The following ORC3 variants were observed in gnomAD, a reference collection of about 807,000 sequenced individuals.
ORC3 encodes the protein origin recognition complex subunit 3, also known as homolog of latheo, Drosophila.
A neutral mutation model predicts 100.7 loss-of-function variants in ORC3; 78 were observed. The ratio of observed to expected loss-of-function variants is 0.77; its 90% CI spans 0.65 to 0.94. ORC3 has a LOEUF of 0.94. ORC3 is among the 40% of genes least tolerant of loss of function. The probability of loss-of-function intolerance (pLI) is 0.00; values close to 1 mark genes in which losing one functional copy is unlikely to be tolerated. For missense variants in ORC3, 789 were observed against 823.9 expected, an observed-to-expected ratio of 0.96 and a Z score of 0.52; for synonymous variants, 295 against 289.3, an observed-to-expected ratio of 1.02 and a Z score of -0.20.
chr6:87,671,833 G>A (rs190811307), downstream of ORC3, among the ~76,000 whole-genome samples: 1 of 152,238 alleles, frequency 6.6e-6, no homozygotes, highest in East Asian at 1.9e-4. Flanking sequence ...ACCTAACCAA[G>A]TGTCCAAACT....
At chr6:87,591,367 T>TTTTA (rs1202511433) in intron 1 of ORC3, among the ~76,000 whole-genome samples, 3 of 142,004 alleles carry the variant, frequency 2.1e-5, no homozygotes. Context: ...GGATCTGATT[T>TTTTA]TTTATTTTGA....
chr6:87,611,972 C>A, intron 7 of ORC3, 117 bp from the exon 8 acceptor site: 1 of 913,466 alleles, frequency 1.1e-6, no homozygotes, highest in Non-Finnish European at 1.6e-6. Flanking sequence ...AATGATAATC[C>A]TTAACAGTGT....
chr6:87,614,918 C>T (rs1381219644), intron 8 of ORC3, among the ~76,000 whole-genome samples: 3 of 152,240 alleles, frequency 2.0e-5, no homozygotes, highest in Admixed American at 6.5e-5. Context: ...CAACCTCTGC[C>T]TGTCATCCAG....
chr6:87,637,838 T>C (rs1374801996), intron 13 of ORC3, among the ~76,000 whole-genome samples: 1 of 152,230 alleles, frequency 6.6e-6, no homozygotes, highest in Non-Finnish European at 1.5e-5. Flanking sequence ...CCATCACTTA[T>C]TGAAGGCTTG....
chr6:87,607,895 C>G, intron 6 of ORC3, 71 bp downstream of exon 6: 1 of 1,084,316 alleles, frequency 9.2e-7, no homozygotes, highest in Non-Finnish European at 1.4e-6. Context: ...TAATATTAGA[C>G]AGTACTGTTT....
rs754591256 is a variant in ORC3 at position 87,621,375 on chromosome 6, T to C, written c.1009T>C (p.Tyr337His). The change falls in exon 10 of 20, where the codon TAT becomes CAT. Residue 337 changes from tyrosine to histidine, a missense_variant. Tyr to His is a moderately conservative substitution (Grantham distance 83). This residue lies in a region of ORC3 where 24 missense variants were observed against 47.7 expected (regional missense o/e 0.50). Transcript: ENST00000392844. ...TCAGCTTTCTCTATTAGAGCATTTCTATTCCCAGCCCTTAAGTGTCCTGTG... is the reference window on the plus strand; with the variant it reads ...TCAGCTTTCTCTATTAGAGCATTTCCATTCCCAGCCCTTAAGTGTCCTGTG... ...GLQLSLLEHF[Y>H]SQPLSVLCCN... is the part of the protein sequence containing the mutation. The C allele has an allele frequency of 6.4e-7, 1 of 1,566,022 alleles. No homozygotes were observed. The highest frequency in any genetic ancestry group is 2.1e-5 in the Admixed American group (1 of 48,076).
At chr6:87,636,019 A>G (rs1163972008) in intron 12 of ORC3, among the ~76,000 whole-genome samples, 2 of 147,362 alleles carry the variant, frequency 1.4e-5, no homozygotes, top group Non-Finnish European at 3.0e-5. Flanking sequence ...ATCTCGGCTC[A>G]CTGCAAGCTC....
intron 13 of ORC3, among the ~76,000 whole-genome samples, chr6:87,644,561 C>T (rs1235175914): frequency 6.6e-6 from 1 of 151,998 alleles, no homozygotes; most frequent in East Asian, 2.0e-4. Context: ...ATTAGCCGGG[C>T]GTGGTGGCAC....
chr6:87,631,010 A>G (rs937807682), intron 11 of ORC3, among the ~76,000 whole-genome samples: 3 of 151,798 alleles, frequency 2.0e-5, no homozygotes, highest in African/African-American at 4.8e-5. Flanking sequence ...ATCTGGGACT[A>G]CAGGCACATG....
chr6:87,612,171 G>A lies in ORC3; in HGVS notation c.796G>A (p.Ala266Thr). Reference protein sequence around the residue: ...PIIIHRLLPHAVSSLLCIELF... With the variant: ...PIIIHRLLPHTVSSLLCIELF... ...TATCATCCACCGATTGCTTCCTCAT[G>A]CAGTATCATCTCTATTGTGCATAGA... The change falls in exon 8 of 20, where the codon GCA (alanine) becomes ACA (threonine). Residue 266 changes from alanine to threonine, a missense_variant. Coordinates refer to ENST00000392844, the MANE Select transcript of ORC3 (RefSeq NM_012381.4). The A allele has an allele frequency of 6.2e-7, 1 of 1,613,374 alleles. No individual in the cohort carries two copies. Among genetic ancestry groups the A allele is most frequent in the South Asian group, 1.1e-5 (1 of 91,052 alleles).
chr6:87,657,497 T>TA (rs1769812498), intron 15 of ORC3, among the ~76,000 whole-genome samples: 1 of 152,222 alleles, frequency 6.6e-6, no homozygotes, highest in African/African-American at 2.4e-5. Context: ...TGTACTGTGA[T>TA]ACCAAATTAT....
At chr6:87,624,427 T>G (rs980732415) in intron 11 of ORC3, among the ~76,000 whole-genome samples, 2 of 152,302 alleles carry the variant, frequency 1.3e-5, no homozygotes, top group African/African-American at 4.8e-5. Flanking sequence ...GAGGTTGCAG[T>G]GAGCCAAGAT....
At chr6:87,648,019 G>C (rs1768936716) in intron 13 of ORC3, among the ~76,000 whole-genome samples, 1 of 152,088 alleles carries the variant, frequency 6.6e-6, no homozygotes, top group African/African-American at 2.4e-5. Flanking sequence ...GGCCAATATG[G>C]TAAAACCGCC....
chr6:87,596,954 T>C (rs1777491168), intron 2 of ORC3, among the ~76,000 whole-genome samples: 1 of 152,202 alleles, frequency 6.6e-6, no homozygotes, highest in Non-Finnish European at 1.5e-5. Flanking sequence ...TACATAACTA[T>C]AGTACAGTGT....
chr6:87,601,991 T>A (rs1777939973), intron 3 of ORC3, 110 bp downstream of exon 3: 1 of 714,692 alleles, frequency 1.4e-6, no homozygotes, highest in South Asian at 1.6e-5. Context: ...TAGGAAGTAT[T>A]GGTCAAGCAT....
At chr6:87,652,349 TC>T (rs1438855078) in intron 13 of ORC3, among the ~76,000 whole-genome samples, 2 of 152,212 alleles carry the variant, frequency 1.3e-5, no homozygotes, top group Non-Finnish European at 2.9e-5. Flanking sequence ...AGTGGAGAAA[TC>T]CTGTAAACTC....
At position 87,653,101 on chromosome 6, in the gene ORC3, C is replaced by G; in HGVS notation, c.1383-15C>G. On this transcript the variant is annotated splice_polypyrimidine_tract_variant and intron_variant, in intron 13 of 19. Transcript: ENST00000392844. Reference sequence around the variant, plus strand: ...TCTAGTTATATTACATTTCCTGTCACTGACTCTGTTCTAGGATGTTGGCAA... The same window carrying G: ...TCTAGTTATATTACATTTCCTGTCAGTGACTCTGTTCTAGGATGTTGGCAA... The G allele has an allele frequency of 6.4e-7, 1 of 1,571,398 alleles. No individual in the cohort carries two copies. The highest frequency in any genetic ancestry group is 8.7e-7 in the Non-Finnish European group (1 of 1,154,908).
intron 8 of ORC3, among the ~76,000 whole-genome samples, chr6:87,615,031 A>G (rs909998276): frequency 2.6e-5 from 4 of 152,210 alleles, no homozygotes; most frequent in Admixed American, 1.3e-4. Context: ...TGATAAAGAC[A>G]TAGGCGAGAC....
intron 18 of ORC3, among the ~76,000 whole-genome samples, chr6:87,665,358 A>G (rs767199295): frequency 6.6e-6 from 1 of 152,240 alleles, no homozygotes; most frequent in Non-Finnish European, 1.5e-5. Flanking sequence ...TGTCTTCAGA[A>G]TAGTATTACA....
Sources: gnomAD v4.1 joint callset for allele counts (sites outside exome capture counted in the v4.1 genomes callset) on GRCh38, gnomAD v4.1.1 for gene constraint, gnomAD v4.1.1 regional missense constraint, MANE v1.5 for transcripts, NCBI Gene and HGNC (gene_info 2026-07-23, HGNC 2026-07-21) for gene names.